Variants in FAM135B observed in about 807,000 individuals in gnomAD.
FAM135B encodes protein FAM135B.
In FAM135B, 43 loss-of-function variants were observed where a neutral mutation model predicts 127.7. The ratio of observed to expected loss-of-function variants is 0.34; its 90% CI spans 0.26 to 0.43. The LOEUF (loss-of-function observed/expected upper bound fraction) is 0.43, where lower values mean the gene tolerates loss of function less well. FAM135B is among the 20% of genes least tolerant of loss of function. FAM135B has a pLI of 1.00. For synonymous variants in FAM135B, 670 were observed against 665.1 expected (o/e 1.01, Z -0.11); for missense variants, 1,558 against 1,725.6 (o/e 0.90, Z 1.72).
Position 138,152,186 on chromosome 8 carries a change from T to C in FAM135B, c.2289A>G (p.Ala763=), listed in dbSNP as rs1316827980. The part of the protein sequence containing the change: ...LPFEEDEREV[A]LTKLTKSVSA... ...ATACAGACTTGGTTAACTTAGTGAG[T>C]GCCACCTCCCGCTCATCCTCCTCAA... Residue 763 remains alanine, a synonymous_variant, in exon 13 of 20, where the codon GCA becomes GCG. Coordinates refer to ENST00000395297, the MANE Select transcript of FAM135B (RefSeq NM_015912.4). 1 of 1,614,032 alleles carries C rather than the reference T, an allele frequency of 6.2e-7. No individual in the cohort carries two copies. The highest frequency in any genetic ancestry group is 8.5e-7 in the Non-Finnish European group (1 of 1,180,022).
chr8:138,210,186 G>C (rs558113518), intron 7 of FAM135B, among the ~76,000 whole-genome samples: 1 of 152,300 alleles, frequency 6.6e-6, no homozygotes, highest in South Asian at 2.1e-4. Flanking sequence ...TACTTTGAAA[G>C]TTACAGCGGT....
At chr8:138,480,522 C>T (rs1814730266) in intron 1 of FAM135B, among the ~76,000 whole-genome samples, 2 of 151,870 alleles carry the variant, frequency 1.3e-5, no homozygotes. Context: ...TGTCCACACT[C>T]AAATAGGATT....
At chr8:138,246,885 C>T (rs1821331677) in intron 6 of FAM135B, among the ~76,000 whole-genome samples, 1 of 152,358 alleles carries the variant, frequency 6.6e-6, no homozygotes, top group South Asian at 2.1e-4. Flanking sequence ...CCATGGGAGC[C>T]CATCTCTTGC....
intron 3 of FAM135B, among the ~76,000 whole-genome samples, chr8:138,277,523 G>A (rs73439074): frequency 0.024 from 3,585 of 152,210 alleles, 92 homozygotes; most frequent in East Asian, 0.08. Flanking sequence ...GGTTTTAACC[G>A]CACATTTCAA....
chr8:138,283,360 G>A (rs1824418737), intron 3 of FAM135B, among the ~76,000 whole-genome samples: 1 of 151,918 alleles, frequency 6.6e-6, no homozygotes, highest in Admixed American at 6.6e-5. Flanking sequence ...CAATCTAAAG[G>A]GCTAAGTACT....
chr8:138,199,595 G>C (rs181094173), intron 7 of FAM135B, among the ~76,000 whole-genome samples: 157 of 152,248 alleles, frequency 1.0e-3, no homozygotes, highest in African/African-American at 3.6e-3. Flanking sequence ...CGTTTTCACA[G>C]TGCTATAAAG....
At chr8:138,314,879 CA>C (rs35189245) in intron 2 of FAM135B, among the ~76,000 whole-genome samples, 30,449 of 85,516 alleles carry the variant, frequency 0.36, 3,348 homozygotes, top group African/African-American at 0.42. Flanking sequence ...GACCTTACCT[CA>C]AAAAAAAAAA....
chr8:138,324,732 G>C lies in FAM135B; in HGVS notation c.78-13812C>G, dbSNP rs143893259. Reference sequence around the variant, plus strand: ...GAGAGAAGGTAAACTATTTTTCCAAGTTTCTGCAACTTGTAAATTGGAGAG... The same window carrying C: ...GAGAGAAGGTAAACTATTTTTCCAACTTTCTGCAACTTGTAAATTGGAGAG... On this transcript the variant is annotated intron_variant, in intron 2 of 19. Transcript: ENST00000395297. 2.6e-4 allele frequency among the ~76,000 whole-genome samples: 40 copies of C among 152,286 alleles called. 1 individual carries two copies. In the East Asian group the frequency reaches 7.4e-3, roughly 28 times the overall value.
At chr8:138,299,059 CAAAATAAA>C (rs1173257773) in intron 3 of FAM135B, among the ~76,000 whole-genome samples, 3 of 103,162 alleles carry the variant, frequency 2.9e-5, no homozygotes, top group African/African-American at 1.1e-4. Context: ...GATTCAGTCT[CAAAATAAA>C]TAAATAAATA....
chr8:138,326,757 T>C (rs1295874263), intron 2 of FAM135B, among the ~76,000 whole-genome samples: 6 of 152,158 alleles, frequency 3.9e-5, no homozygotes, highest in East Asian at 1.9e-4. Flanking sequence ...GGTGCATGAC[T>C]CCAAACAATT....
chr8:138,147,777 T>TG (rs1315765014), intron 14 of FAM135B, among the ~76,000 whole-genome samples: 1 of 145,668 alleles, frequency 6.9e-6, no homozygotes. Flanking sequence ...ACATGCATGA[T>TG]GGAAAAAAAA....
At chr8:138,475,981 G>A in intron 1 of FAM135B, among the ~76,000 whole-genome samples, 1 of 152,142 alleles carries the variant, frequency 6.6e-6, no homozygotes. Flanking sequence ...CAGTGGGAGA[G>A]TGGATAAATA....
chr8:138,317,174 C>A (rs1366889249), intron 2 of FAM135B, among the ~76,000 whole-genome samples: 2 of 152,094 alleles, frequency 1.3e-5, no homozygotes, highest in Non-Finnish European at 2.9e-5. Flanking sequence ...GAAACTACTC[C>A]TCAATAAATA....
At chr8:138,270,445 C>A (rs1216574132) in intron 3 of FAM135B, among the ~76,000 whole-genome samples, 3 of 152,182 alleles carry the variant, frequency 2.0e-5, no homozygotes, top group Non-Finnish European at 4.4e-5. Flanking sequence ...GGTTTGGCTA[C>A]ATTGTGAGCT....
At chr8:138,237,820 C>G (rs541315372) in intron 7 of FAM135B, among the ~76,000 whole-genome samples, 62 of 152,250 alleles carry the variant, frequency 4.1e-4, no homozygotes, top group Non-Finnish European at 7.1e-4. Flanking sequence ...TTAGACTTGC[C>G]AGCCTCCACA....
Position 138,151,980 on chromosome 8 carries a change from A to G in FAM135B, c.2495T>C (p.Ile832Thr). ...CTGCTGGTTGTCAGCATCTAAAACT[A>G]TCTCCACCAGGGGATGGTCTGCTCC... The part of the protein sequence containing the change: ...DAGADHPLVE[I>T]VLDADNQQGP... Residue 832 changes from isoleucine to threonine, a missense_variant, in exon 13 of 20, where the codon ATA becomes ACA. Ile to Thr is a moderately conservative substitution (Grantham distance 89). Transcript: ENST00000395297. The G allele has an allele frequency of 6.2e-7, 1 of 1,613,990 alleles. No homozygotes were observed. The highest frequency in any genetic ancestry group is 2.2e-5 in the East Asian group (1 of 44,840).
intron 2 of FAM135B, among the ~76,000 whole-genome samples, chr8:138,340,886 C>G (rs960505278): frequency 1.3e-5 from 2 of 152,152 alleles, no homozygotes; most frequent in Non-Finnish European, 2.9e-5. Flanking sequence ...TCTCAGCCCC[C>G]GCATGCTCTC....
intron 1 of FAM135B, among the ~76,000 whole-genome samples, chr8:138,451,212 T>C (rs1836461975): frequency 6.6e-6 from 1 of 152,164 alleles, no homozygotes; most frequent in African/African-American, 2.4e-5. Flanking sequence ...ATCTCTACCA[T>C]GTTACTAATT....
In FAM135B at chr8:138,152,542, T is replaced by G. The variant is rs756192058; in HGVS notation, c.1933A>C (p.Ser645Arg). 1 of 1,614,166 alleles carries G rather than the reference T, an allele frequency of 6.2e-7. No individual in the cohort carries two copies. The highest frequency in any genetic ancestry group is 1.7e-5 in the Admixed American group (1 of 60,018). ...TCTAAGGGCTCCCTCAGGGTAGAAC[T>G]TAGTGGATCACAGGGCTCAGAGGGG... ...LTPSEPCDPL[S>R]STLREPLDIR... The change falls in exon 13 of 20, where the codon AGT becomes CGT. Residue 645 changes from serine (S) to arginine (R), a missense_variant. This residue lies in a region of FAM135B where 923 missense variants were observed against 865.3 expected (regional missense o/e 1.07). Transcript: ENST00000395297.
Sources: allele counts gnomAD v4.1 joint callset (sites outside exome capture counted in the v4.1 genomes callset), GRCh38; gene constraint gnomAD v4.1.1; regional missense constraint gnomAD v4.1.1; transcripts MANE v1.5; gene names NCBI Gene and HGNC (gene_info 2026-07-23, HGNC 2026-07-21).